The following ULK4 variants were observed in gnomAD, a reference collection of about 807,000 sequenced individuals.
ULK4 encodes the protein inactive serine/threonine-protein kinase ULK4.
ULK4 carries 133 observed loss-of-function variants against 160.6 expected under a neutral mutation model. The observed-to-expected ratio is 0.83, with a 90% CI of 0.72 to 0.96. The LOEUF (loss-of-function observed/expected upper bound fraction) is 0.96. Among genes scored for constraint, ULK4 ranks in the 40% least tolerant of loss-of-function variants. The pLI is 0.00. For missense variants in ULK4, 1,580 were observed against 1,499.5 expected (o/e 1.05, Z -0.89); for synonymous variants, 534 against 539.8 (o/e 0.99, Z 0.15).
chr3:41,399,934 A>G (rs552024717), intron 34 of ULK4, among the ~76,000 whole-genome samples: 2 of 152,298 alleles, frequency 1.3e-5, no homozygotes, highest in South Asian at 4.1e-4. Flanking sequence ...AGAGCTTTAT[A>G]GCTTTAGCTT....
intron 34 of ULK4, 137 bp from the exon 35 acceptor site, chr3:41,398,401 T>TG: frequency 2.7e-6 from 2 of 727,984 alleles, no homozygotes; most frequent in Non-Finnish European, 4.2e-6. Flanking sequence ...TTTTTTTTTT[T>TG]GAGACAGGGT....
At chr3:41,586,548 T>C (rs2030816564) in intron 31 of ULK4, among the ~76,000 whole-genome samples, 3 of 152,170 alleles carry the variant, frequency 2.0e-5, no homozygotes, top group South Asian at 4.1e-4. Context: ...TTTTACAAGA[T>C]GAAACAAGTT....
At chr3:41,314,992 A>C (rs2080120395) in intron 35 of ULK4, among the ~76,000 whole-genome samples, 1 of 152,222 alleles carries the variant, frequency 6.6e-6, no homozygotes, top group African/African-American at 2.4e-5. Flanking sequence ...TTGAAAATTA[A>C]AACCAAGACA....
intron 20 of ULK4, among the ~76,000 whole-genome samples, chr3:41,790,503 A>G (rs1375368472): frequency 6.6e-6 from 1 of 152,236 alleles, no homozygotes; most frequent in Non-Finnish European, 1.5e-5. Flanking sequence ...GGCTCAATTA[A>G]TCGTGCTTGG....
In ULK4 at chr3:41,957,448, C is replaced by CAAAAAA. The variant is rs11455719; in HGVS notation, c.-48-2647_-48-2642dup. On this transcript the variant is annotated intron_variant, in intron 1 of 36. Transcript: ENST00000301831. ...CCAGCCTGGGAGACAGAGCACCACT[C>CAAAAAA]AAAAAAAAAAAAAAAAAATCAATCT... Among the ~76,000 whole-genome samples, 220 of 97,110 alleles carry CAAAAAA rather than the reference C, an allele frequency of 2.3e-3. 9 individuals carry two copies. Among genetic ancestry groups the CAAAAAA allele is most frequent in the Middle Eastern group, 7.2e-3 (1 of 138 alleles). 63.7% of individuals were successfully genotyped at this position (97,110 alleles called of 152,430 possible). A position where few individuals can be genotyped will look rare whatever the true frequency, so the allele number is the denominator to read the frequency against.
chr3:41,595,615 G>C (rs1266380195), intron 31 of ULK4, among the ~76,000 whole-genome samples: 4 of 152,176 alleles, frequency 2.6e-5, no homozygotes, highest in Non-Finnish European at 2.9e-5. Flanking sequence ...TTGTACTAGG[G>C]AGGTGGGAGG....
chr3:41,322,697 T>G (rs1476503551), intron 35 of ULK4, among the ~76,000 whole-genome samples: 1 of 152,238 alleles, frequency 6.6e-6, no homozygotes, highest in Non-Finnish European at 1.5e-5. Flanking sequence ...TTCCAAGCTA[T>G]TTAATGCTCA....
At chr3:41,837,224 C>G (rs1398152451) in intron 17 of ULK4, among the ~76,000 whole-genome samples, 1 of 152,130 alleles carries the variant, frequency 6.6e-6, no homozygotes, top group Non-Finnish European at 1.5e-5. Context: ...GATTTAACAG[C>G]TTTACTGAGG....
chr3:41,258,993 T>G (rs1379586025), intron 35 of ULK4, among the ~76,000 whole-genome samples: 1 of 148,048 alleles, frequency 6.8e-6, no homozygotes, highest in African/African-American at 2.5e-5. Context: ...CAGATATACA[T>G]ATATACATAT....
At chr3:41,305,713 G>GCAA (rs2079899544) in intron 35 of ULK4, among the ~76,000 whole-genome samples, 1 of 150,596 alleles carries the variant, frequency 6.6e-6, no homozygotes, top group East Asian at 2.0e-4. Flanking sequence ...CCTCTGCCTG[G>GCAA]CTGCCCAGTC....
At chr3:41,925,082 A>G (rs1233181517) in intron 5 of ULK4, among the ~76,000 whole-genome samples, 1 of 152,052 alleles carries the variant, frequency 6.6e-6, no homozygotes, top group Non-Finnish European at 1.5e-5. Context: ...CCAAGAATAC[A>G]CCCTAGAAAT....
At chr3:41,536,974 C>G (rs1345503566) in intron 32 of ULK4, among the ~76,000 whole-genome samples, 1 of 152,190 alleles carries the variant, frequency 6.6e-6, no homozygotes, top group African/African-American at 2.4e-5. Context: ...TAAAAGCAGT[C>G]AAAAGCAGTC....
At chr3:41,362,937 G>C (rs2081177253) in intron 35 of ULK4, among the ~76,000 whole-genome samples, 2 of 152,230 alleles carry the variant, frequency 1.3e-5, no homozygotes, top group Admixed American at 6.5e-5. Context: ...ACTGTTCCTG[G>C]AAAGTTTCTG....
At chr3:41,808,844 G>A (rs902661491) in intron 19 of ULK4, among the ~76,000 whole-genome samples, 6 of 152,156 alleles carry the variant, frequency 3.9e-5, no homozygotes, top group African/African-American at 1.2e-4. Flanking sequence ...ACCTCTCAGG[G>A]TTCTTGTCTA....
intron 35 of ULK4, among the ~76,000 whole-genome samples, chr3:41,305,075 A>G (rs1351858582): frequency 1.3e-5 from 2 of 152,220 alleles, no homozygotes; most frequent in African/African-American, 4.8e-5. Flanking sequence ...TGTTGCTTAA[A>G]TGGTGGAGAG....
intron 22 of ULK4, among the ~76,000 whole-genome samples, chr3:41,728,311 C>T (rs893725989): frequency 1.3e-5 from 2 of 152,154 alleles, no homozygotes; most frequent in African/African-American, 4.8e-5. Context: ...GCAGCTGCAT[C>T]TGGCAAGGAT....
At chr3:41,816,784 T>G (rs1407161317) in intron 19 of ULK4, among the ~76,000 whole-genome samples, 2 of 151,894 alleles carry the variant, frequency 1.3e-5, no homozygotes, top group Non-Finnish European at 2.9e-5. Flanking sequence ...AAATCCTCTC[T>G]CAAAAAATAA....
chr3:41,577,173 T>C (rs939785259), intron 31 of ULK4, among the ~76,000 whole-genome samples: 2 of 152,080 alleles, frequency 1.3e-5, no homozygotes, highest in African/African-American at 4.8e-5. Context: ...TTAAAGAATG[T>C]AAAAGCACAA....
intron 31 of ULK4, among the ~76,000 whole-genome samples, chr3:41,606,522 T>C (rs2032391023): frequency 6.6e-6 from 1 of 152,032 alleles, no homozygotes; most frequent in African/African-American, 2.4e-5. Context: ...GTAGTTCTAT[T>C]TTTAGTTCTT....
Sources: gnomAD v4.1 joint callset for allele counts (sites outside exome capture counted in the v4.1 genomes callset) on GRCh38, gnomAD v4.1.1 for gene constraint, MANE v1.5 for transcripts, NCBI Gene and HGNC (gene_info 2026-07-23, HGNC 2026-07-21) for gene names.